The following FRY variants were observed in gnomAD, a reference collection of about 807,000 sequenced individuals.
The protein encoded by FRY is FRY microtubule binding protein.
A neutral mutation model predicts 348.4 loss-of-function variants in FRY; 128 were observed. The observed-to-expected ratio is 0.37, with a 90% confidence interval of 0.32 to 0.43. The LOEUF is 0.43. Ranked by LOEUF, FRY falls within the 20% of genes least tolerant of loss-of-function variation. FRY has a pLI of 1.00. For missense variants in FRY, 2,736 were observed against 3,695.2 expected, an observed-to-expected ratio of 0.74 and a Z score of 6.73; for synonymous variants, 1,370 against 1,374.7, an observed-to-expected ratio of 1.00 and a Z score of 0.08.
Position 32,154,154 on chromosome 13 carries a change from C to A in FRY, c.1480-1337C>A, listed in dbSNP as rs1880964759. Among the ~76,000 whole-genome samples the A allele has an allele frequency of 2.0e-5, 3 of 152,222 alleles. No homozygotes were observed. In the East Asian group the frequency reaches 5.8e-4, roughly 29 times the overall value. ...TGAATTGACCATTTTATTTTCTTAT[C>A]CACAACATTGCTGTGTCTTGAGAGA... On this transcript the variant is annotated intron_variant, in intron 14 of 60. Transcript: ENST00000542859.
intron 11 of FRY, among the ~76,000 whole-genome samples, chr13:32,141,687 A>G (rs1042308400): frequency 3.3e-5 from 5 of 152,216 alleles, no homozygotes; most frequent in African/African-American, 1.2e-4. Flanking sequence ...ACATTGGTCT[A>G]TACCACTGAT....
intron 56 of FRY, chr13:32,275,222 CAA>C (rs770397293): frequency 7.2e-3 from 1,483 of 205,014 alleles, no homozygotes; most frequent in South Asian, 0.018. Flanking sequence ...ATTAAAAATA[CAA>C]AAAAAAAAAA....
intron 1 of FRY, among the ~76,000 whole-genome samples, chr13:32,061,984 A>G (rs1355335192): frequency 1.3e-5 from 2 of 152,122 alleles, no homozygotes; most frequent in African/African-American, 4.8e-5. Context: ...GCTCTAATCA[A>G]GGAGAAAGAT....
chr13:32,279,862 A>G (rs1193203508), intron 58 of FRY, among the ~76,000 whole-genome samples: 1 of 152,214 alleles, frequency 6.6e-6, no homozygotes, highest in African/African-American at 2.4e-5. Context: ...TGAGAGTAAC[A>G]TTGTCCATGC....
intron 13 of FRY, among the ~76,000 whole-genome samples, 173 bp from the exon 14 acceptor site, chr13:32,149,575 T>G (rs1880672223): frequency 6.6e-6 from 1 of 152,032 alleles, no homozygotes; most frequent in Non-Finnish European, 1.5e-5. Flanking sequence ...AGCCCTACCC[T>G]CGGTTCAGAT....
In FRY at chr13:32,276,445, A is replaced by C; in HGVS notation, c.8287-19A>C. The stretch of plus-strand genomic sequence containing the variant: ...TGGTATCTCTCTAGTTTTAATACCA[A>C]TTATTTTCCTGTCTTTAGCTCCTTT... On this transcript the variant is annotated intron_variant, in intron 56 of 60. Transcript: ENST00000542859. 1 of 1,319,060 alleles carries C rather than the reference A, an allele frequency of 7.6e-7. No individual in the cohort carries two copies. The highest frequency in any genetic ancestry group is 1.4e-5 in the African/African-American group (1 of 69,380). The allele number at this position is 1,319,060 out of a possible 1,614,324, so 81.7% of individuals were successfully genotyped here.
chr13:32,073,659 C>T (rs909482136), intron 1 of FRY, among the ~76,000 whole-genome samples: 5 of 152,134 alleles, frequency 3.3e-5, no homozygotes, highest in African/African-American at 9.7e-5. Flanking sequence ...CCAGTATCTT[C>T]CCAGTGCCTG....
intron 39 of FRY, 25 bp from the exon 40 acceptor site, chr13:32,228,431 C>T (rs780445122): frequency 1.3e-6 from 2 of 1,580,712 alleles, no homozygotes; most frequent in Non-Finnish European, 1.7e-6. Context: ...TAGTACATCC[C>T]TCCTTGACCT....
rs759170838 is a variant in FRY, at chr13:32,224,276, A to G, written c.4807A>G (p.Thr1603Ala). 1.2e-6 allele frequency: 2 copies of G among 1,613,882 alleles called. No individual in the cohort carries two copies. Among genetic ancestry groups the G allele is most frequent in the East Asian group, 2.2e-5 (1 of 44,886 alleles). ...CTACACGGGCTGGTTGCTGACTATTACAGAGACCAAGCAGCCGCAGCCCTT... is the reference window on the plus strand; with the variant it reads ...CTACACGGGCTGGTTGCTGACTATTGCAGAGACCAAGCAGCCGCAGCCCTT... ...SPYTGWLLTI[T>A]ETKQPQPLPM... Residue 1603 changes from threonine (T) to alanine (A), a missense_variant, in exon 37 of 61, where the codon ACA becomes GCA. Around this residue, in one of 9 missense-constraint regions of FRY, gnomAD observed 794 missense variants for 977.0 expected, o/e 0.81. Coordinates refer to ENST00000542859, the MANE Select transcript of FRY (RefSeq NM_023037.3).
Position 32,239,832 on chromosome 13 carries a change from A to G in FRY, c.6638A>G (p.His2213Arg), listed in dbSNP as rs759574088. 11 of 1,614,156 alleles carry G rather than the reference A, an allele frequency of 6.8e-6. No homozygotes were observed. Among genetic ancestry groups the G allele is most frequent in the Non-Finnish European group, 7.6e-6 (9 of 1,180,012 alleles). Reference sequence around the variant, plus strand: ...GTCAATGTGGTCTGTCGATACCTTCATGAAGCATATGCTGACATTACCTTG... The same window carrying G: ...GTCAATGTGGTCTGTCGATACCTTCGTGAAGCATATGCTGACATTACCTTG... ...TWVNVVCRYLHEAYADITLNM... is the reference protein window; with the variant it reads ...TWVNVVCRYLREAYADITLNM... Residue 2213 changes from histidine to arginine, a missense_variant, in exon 46 of 61, where the codon CAT becomes CGT. Transcript: ENST00000542859. The surrounding 1 kb of genome is among the most constrained non-coding windows in gnomAD (Gnocchi z 4.3).
intron 11 of FRY, among the ~76,000 whole-genome samples, chr13:32,141,948 C>T (rs1880099695): frequency 6.6e-6 from 1 of 152,072 alleles, no homozygotes; most frequent in Admixed American, 6.5e-5. Context: ...ATAATAAATG[C>T]ATACTATTAA....
At chr13:32,041,796 TTA>T (rs1288775114) in intron 1 of FRY, among the ~76,000 whole-genome samples, 1 of 152,216 alleles carries the variant, frequency 6.6e-6, no homozygotes, top group Admixed American at 6.5e-5. Context: ...CCTGCTGATT[TTA>T]TGTTTCATTT....
rs372010747 is a variant in FRY, at chr13:32,180,743, C to T, written c.2996+944C>T. Among the ~76,000 whole-genome samples the T allele has an allele frequency of 7.9e-5, 12 of 152,134 alleles. No individual in the cohort carries two copies. In the South Asian group the frequency reaches 1.9e-3, roughly 24 times the overall value. ...AAAACCCTATAAAGACAAATAAAAT[C>T]GCAAACAAAATTTTCCATGTAGATA... On this transcript the variant is annotated intron_variant, in intron 23 of 60. Transcript: ENST00000542859.
At chr13:32,162,686 G>A (rs539807786) in intron 17 of FRY, among the ~76,000 whole-genome samples, 44 of 152,248 alleles carry the variant, frequency 2.9e-4, no homozygotes, top group African/African-American at 8.2e-4. Context: ...ATTTCAAGCC[G>A]TTGTGCTCTC....
chr13:32,128,184 C>T (rs1214065597), intron 7 of FRY, among the ~76,000 whole-genome samples: 1 of 152,120 alleles, frequency 6.6e-6, no homozygotes, highest in East Asian at 1.9e-4. Flanking sequence ...CCATCTCTAC[C>T]GAATGTCCTC....
At chr13:32,123,167 C>T (rs1878787047) in intron 4 of FRY, among the ~76,000 whole-genome samples, 1 of 152,188 alleles carries the variant, frequency 6.6e-6, no homozygotes, top group Admixed American at 6.5e-5. Context: ...CACCGTCATT[C>T]TTCACAGAAT....
chr13:32,060,885 G>C (rs1873903748), intron 1 of FRY: 2 of 352,584 alleles, frequency 5.7e-6, no homozygotes, highest in Non-Finnish European at 1.1e-5. Flanking sequence ...GTCTGCCCTG[G>C]ACGGAAGGCC....
intron 2 of FRY, among the ~76,000 whole-genome samples, chr13:32,089,370 G>GT (rs1233297034): frequency 1.3e-5 from 2 of 152,052 alleles, no homozygotes; most frequent in Non-Finnish European, 2.9e-5. Flanking sequence ...AATCACATAG[G>GT]TTGAAGGCAG....
intron 1 of FRY, among the ~76,000 whole-genome samples, chr13:32,073,818 C>T (rs890906207): frequency 6.6e-6 from 1 of 152,186 alleles, no homozygotes; most frequent in African/African-American, 2.4e-5. Context: ...AACATCTACG[C>T]CACCATTAGC....
Sources: gnomAD v4.1 joint callset for allele counts (sites outside exome capture counted in the v4.1 genomes callset) on GRCh38, gnomAD v4.1.1 for gene constraint, gnomAD v4.1.1 regional missense constraint, Gnocchi (gnomAD v3.1) non-coding constraint, MANE v1.5 for transcripts, NCBI Gene and HGNC (gene_info 2026-07-23, HGNC 2026-07-21) for gene names.